CMIP: variants seen among roughly 807,000 people sequenced by gnomAD.
CMIP encodes the protein C-Maf-inducing protein.
Under a neutral mutation model 97.3 loss-of-function variants are expected in CMIP, and 13 were observed. The observed-to-expected ratio is 0.13, with a 90% confidence interval of 0.09 to 0.21. The LOEUF (loss-of-function observed/expected upper bound fraction) is 0.21, where lower values mean the gene tolerates loss of function less well. CMIP is among the 10% of genes least tolerant of loss of function. The pLI, the probability that CMIP is intolerant of heterozygous loss-of-function variation, is 1.00. For synonymous variants in CMIP, 538 were observed against 436.3 expected, an observed-to-expected ratio of 1.23 and a Z score of -2.91; for missense variants, 847 against 1,024.9, an observed-to-expected ratio of 0.83 and a Z score of 2.37.
intron 1 of CMIP, among the ~76,000 whole-genome samples, chr16:81,524,928 T>G (rs1477262412): frequency 6.6e-6 from 1 of 151,508 alleles, no homozygotes; most frequent in Non-Finnish European, 1.5e-5. Context: ...TCTTAGTAGC[T>G]AGGACTACAG....
At chr16:81,596,498 C>T (rs963577031) in intron 1 of CMIP, among the ~76,000 whole-genome samples, 1 of 143,536 alleles carries the variant, frequency 7.0e-6, no homozygotes, top group South Asian at 2.2e-4. Context: ...CAGAGAAAGG[C>T]CCTGTCTCAA....
chr16:81,445,252 C>T lies in CMIP; in HGVS notation c.11C>T (p.Thr4Ile). MDV[T>I]SSSGGGGDPR... ...TCCCCCGGCGCGGCCATGGATGTGA[C>T]CAGCAGCTCGGGCGGCGGCGGCGAC... Residue 4 changes from threonine (T) to isoleucine (I), a missense_variant, in exon 1 of 21, where the codon ACC becomes ATC. Thr to Ile is a moderately conservative substitution (Grantham distance 89, BLOSUM62 -1). Transcript: ENST00000537098. The T allele has an allele frequency of 6.5e-7, 1 of 1,532,722 alleles. No homozygotes were observed. Among genetic ancestry groups the T allele is most frequent in the South Asian group, 1.2e-5 (1 of 83,462 alleles). The allele number at this position is 1,532,722 out of a possible 1,614,324, so 94.9% of individuals were successfully genotyped here.
Position 81,710,779 on chromosome 16 carries a change from T to C in CMIP, c.*980T>C, listed in dbSNP as rs975276538. ...TCTCTCGGCACCTTTTAGACTTGAA[T>C]GGGAGGCTGCTAACCCGCCCTCTCC... is the stretch of plus-strand genomic sequence containing the variant. On this transcript the variant is annotated 3_prime_UTR_variant, in exon 21 of 21. Transcript: ENST00000537098. The C allele has an allele frequency of 2.0e-5, 3 of 152,060 alleles. No individual in the cohort carries two copies. The highest frequency in any genetic ancestry group is 4.4e-5 in the Non-Finnish European group (3 of 68,022). 9.4% of individuals were successfully genotyped at this position (152,060 alleles called of 1,614,324 possible).
chr16:81,607,235 G>C (rs2091759123), intron 1 of CMIP, among the ~76,000 whole-genome samples: 2 of 152,262 alleles, frequency 1.3e-5, no homozygotes, highest in Admixed American at 6.5e-5. Flanking sequence ...TTGCTGGTGA[G>C]GGATGGCGGG....
intron 9 of CMIP, among the ~76,000 whole-genome samples, chr16:81,672,480 T>G (rs1450911072): frequency 6.6e-6 from 1 of 152,244 alleles, no homozygotes; most frequent in African/African-American, 2.4e-5. Context: ...TGTGAATATG[T>G]GCCCGTGTGT....
intron 13 of CMIP, among the ~76,000 whole-genome samples, chr16:81,695,102 A>T (rs1405857882): frequency 6.6e-6 from 1 of 152,168 alleles, no homozygotes; most frequent in Non-Finnish European, 1.5e-5. Flanking sequence ...TAATTCTCAA[A>T]CCAGGGAAAT....
intron 5 of CMIP, among the ~76,000 whole-genome samples, chr16:81,660,274 T>A (rs1408364434): frequency 6.6e-6 from 1 of 151,624 alleles, no homozygotes; most frequent in Admixed American, 6.6e-5. Flanking sequence ...TCTTTTTTCT[T>A]TTTTCTTTTT....
chr16:81,551,207 A>G (rs947495523), intron 1 of CMIP, among the ~76,000 whole-genome samples: 6 of 149,672 alleles, frequency 4.0e-5, no homozygotes, highest in African/African-American at 1.5e-4. Flanking sequence ...GTTCCATCAC[A>G]CGCACCCCAG....
At chr16:81,618,144 AG>A (rs1044369484) in intron 2 of CMIP, among the ~76,000 whole-genome samples, 1 of 152,186 alleles carries the variant, frequency 6.6e-6, no homozygotes, top group African/African-American at 2.4e-5. Flanking sequence ...TGTGGTTAAA[AG>A]AACACAGATT....
chr16:81,657,644 A>G, intron 4 of CMIP, 131 bp from the exon 5 acceptor site: 1 of 746,940 alleles, frequency 1.3e-6, no homozygotes, highest in Non-Finnish European at 2.2e-6. Flanking sequence ...TTAATTAAGA[A>G]AAAATGACAG....
chr16:81,597,630 G>T (rs906236857), intron 1 of CMIP, among the ~76,000 whole-genome samples: 4 of 151,656 alleles, frequency 2.6e-5, no homozygotes, highest in Admixed American at 2.6e-4. Flanking sequence ...AAGGTCCTGG[G>T]ACTAGAGCAG....
chr16:81,693,691 G>A (rs775509791), intron 13 of CMIP, among the ~76,000 whole-genome samples: 6 of 152,196 alleles, frequency 3.9e-5, no homozygotes, highest in Non-Finnish European at 7.3e-5. Flanking sequence ...CCGGCTCACC[G>A]GGGGTGGTTT....
At chr16:81,638,954 C>T (rs1195405130) in intron 3 of CMIP, among the ~76,000 whole-genome samples, 1 of 152,214 alleles carries the variant, frequency 6.6e-6, no homozygotes, top group East Asian at 1.9e-4. Context: ...TTCCACTGCA[C>T]TCAGTTTTCC....
At chr16:81,555,751 G>C (rs1305050794) in intron 1 of CMIP, among the ~76,000 whole-genome samples, 1 of 152,210 alleles carries the variant, frequency 6.6e-6, no homozygotes, top group Non-Finnish European at 1.5e-5. Flanking sequence ...AGCCTGGGGA[G>C]ATCTCCAGCA....
intron 1 of CMIP, among the ~76,000 whole-genome samples, chr16:81,490,472 T>C (rs990520093): frequency 2.0e-5 from 3 of 151,998 alleles, no homozygotes; most frequent in Admixed American, 1.3e-4. Flanking sequence ...ATACAAAAAT[T>C]AGCTGAGTGT....
chr16:81,537,645 C>A (rs568125806), intron 1 of CMIP, among the ~76,000 whole-genome samples: 2 of 151,374 alleles, frequency 1.3e-5, no homozygotes, highest in Admixed American at 6.6e-5. Context: ...ATGGGAGGAT[C>A]GCTTAAGGCC....
chr16:81,574,179 G>A (rs953872987), intron 1 of CMIP, among the ~76,000 whole-genome samples: 2 of 152,252 alleles, frequency 1.3e-5, no homozygotes, highest in African/African-American at 2.4e-5. Context: ...GTTGGGCCGC[G>A]CTAGTCTGGA....
intron 3 of CMIP, among the ~76,000 whole-genome samples, chr16:81,629,517 G>T (rs184486555): frequency 2.6e-5 from 4 of 152,240 alleles, no homozygotes; most frequent in African/African-American, 7.2e-5. Flanking sequence ...CCCCACCTCC[G>T]TTTGCCCGTC....
chr16:81,667,778 G>C (rs971664031), intron 7 of CMIP, among the ~76,000 whole-genome samples: 2 of 103,674 alleles, frequency 1.9e-5, no homozygotes, highest in African/African-American at 7.1e-5. Context: ...GAGAGAGAGA[G>C]AGAGAGAGAG....
Sources: allele counts gnomAD v4.1 joint callset (sites outside exome capture counted in the v4.1 genomes callset), GRCh38; gene constraint gnomAD v4.1.1; transcripts MANE v1.5; gene names NCBI Gene and HGNC (gene_info 2026-07-23, HGNC 2026-07-21).